The following SYNCRIP variants were observed in gnomAD, a reference collection of about 807,000 sequenced individuals.
SYNCRIP encodes the protein synaptotagmin binding cytoplasmic RNA interacting protein.
A neutral mutation model predicts 68.9 loss-of-function variants in SYNCRIP; 9 were observed. The observed-to-expected ratio is 0.13, with a 90% CI of 0.08 to 0.23. The LOEUF (loss-of-function observed/expected upper bound fraction) is 0.23. Among genes scored for constraint, SYNCRIP ranks in the 10% least tolerant of loss-of-function variants. The probability of loss-of-function intolerance (pLI) is 1.00; values close to 1 mark genes in which losing one functional copy is unlikely to be tolerated. For missense variants in SYNCRIP, 414 were observed against 770.6 expected (o/e 0.54, Z 5.48); for synonymous variants, 258 against 254.0 (o/e 1.02, Z -0.15).
chr6:85,631,721 C>A (rs145076992), intron 6 of SYNCRIP, among the ~76,000 whole-genome samples: 2 of 152,186 alleles, frequency 1.3e-5, no homozygotes, highest in Admixed American at 6.5e-5. Context: ...TACCTGGTGA[C>A]GTAACTTGTA....
At chr6:85,635,814 G>C (rs939031779) in intron 6 of SYNCRIP, among the ~76,000 whole-genome samples, 2 of 141,344 alleles carry the variant, frequency 1.4e-5, no homozygotes, top group South Asian at 4.7e-4. Flanking sequence ...GAAGACTTAT[G>C]AGTTTTATTT....
chr6:85,621,233 T>G (rs1806350559), intron 8 of SYNCRIP, among the ~76,000 whole-genome samples: 1 of 152,168 alleles, frequency 6.6e-6, no homozygotes, highest in African/African-American at 2.4e-5. Flanking sequence ...TATTCATAGC[T>G]CCCTGGCAGT....
chr6:85,629,280 G>A (rs1807424012), intron 6 of SYNCRIP, among the ~76,000 whole-genome samples: 1 of 151,930 alleles, frequency 6.6e-6, no homozygotes, highest in African/African-American at 2.4e-5. Flanking sequence ...TTTACGCTTT[G>A]CACCACTGGA....
intron 10 of SYNCRIP, among the ~76,000 whole-genome samples, 182 bp from the exon 11 acceptor site, chr6:85,615,529 C>CT (rs1390987595): frequency 2.6e-5 from 4 of 152,188 alleles, no homozygotes; most frequent in African/African-American, 9.6e-5. Flanking sequence ...ATCAGGATGA[C>CT]AATATAGGCA....
Position 85,621,788 on chromosome 6 carries a change from G to C in SYNCRIP, c.1008+694C>G, listed in dbSNP as rs564858514. ...ACTGCAAGCACCTCTGCTGCGGCCA[G>C]TATAATTTACTGTTTTTAGTAGTAA... On this transcript the variant is annotated intron_variant, in intron 8 of 10. Coordinates refer to ENST00000369622, the MANE Select transcript of SYNCRIP (RefSeq NM_006372.5). Among the ~76,000 whole-genome samples, 201 of 152,182 alleles carry C rather than the reference G, an allele frequency of 1.3e-3. 1 individual carries two copies. The highest frequency in any genetic ancestry group is 4.4e-3 in the African/African-American group (182 of 41,530).
chr6:85,624,121 G>A lies in SYNCRIP; in HGVS notation c.667-9C>T, dbSNP rs1218372655. 7.5e-6 allele frequency: 12 copies of A among 1,607,182 alleles called. No homozygotes were observed. Among genetic ancestry groups the A allele is most frequent in the Non-Finnish European group, 1.0e-5 (12 of 1,177,276 alleles). On this transcript the variant is annotated splice_polypyrimidine_tract_variant and intron_variant, in intron 6 of 10. Coordinates refer to ENST00000369622, the MANE Select transcript of SYNCRIP (RefSeq NM_006372.5). ...ATTTCATGATTATTATACTGAAAGGGGAAAAAGTGCATCATGTTTTTAAAT... is the reference window on the plus strand; with the variant it reads ...ATTTCATGATTATTATACTGAAAGGAGAAAAAGTGCATCATGTTTTTAAAT...
intron 7 of SYNCRIP, 150 bp downstream of exon 7, chr6:85,623,827 T>C: frequency 1.1e-6 from 1 of 900,608 alleles, no homozygotes; most frequent in Admixed American, 2.9e-5. Context: ...GTTCTTCTTA[T>C]CTGAAAAATG....
At chr6:85,641,722 A>T (rs1269499532) in intron 1 of SYNCRIP, among the ~76,000 whole-genome samples, 1 of 152,200 alleles carries the variant, frequency 6.6e-6, no homozygotes, top group Non-Finnish European at 1.5e-5. Flanking sequence ...GAGCCCAATC[A>T]GCACGGGTAC....
intron 6 of SYNCRIP, among the ~76,000 whole-genome samples, chr6:85,630,025 A>T (rs1202929267): frequency 2.6e-5 from 4 of 151,984 alleles, no homozygotes; most frequent in Admixed American, 1.3e-4. Flanking sequence ...AGTATACATA[A>T]CCAATCTGGT....
intron 4 of SYNCRIP, among the ~76,000 whole-genome samples, chr6:85,638,202 T>C (rs1300061301): frequency 1.3e-5 from 2 of 151,798 alleles, no homozygotes; most frequent in Non-Finnish European, 2.9e-5. Context: ...TGAAACCCTG[T>C]CTCTACTAAA....
intron 6 of SYNCRIP, among the ~76,000 whole-genome samples, chr6:85,629,006 G>T (rs1441015981): frequency 6.8e-6 from 1 of 147,590 alleles, no homozygotes; most frequent in Non-Finnish European, 1.5e-5. Flanking sequence ...CCCTCCTCCT[G>T]GCCTTTATTG....
intron 7 of SYNCRIP, 51 bp downstream of exon 7, chr6:85,623,926 T>C (rs368200317): frequency 1.9e-6 from 3 of 1,597,644 alleles, no homozygotes; most frequent in African/African-American, 1.3e-5. Context: ...AAATATGCTA[T>C]TAATCTTCAT....
intron 6 of SYNCRIP, among the ~76,000 whole-genome samples, chr6:85,625,027 C>G (rs1281220332): frequency 1.3e-5 from 2 of 152,206 alleles, no homozygotes. Context: ...AAATACCTTA[C>G]AGCAAAAGAA....
At chr6:85,637,753 T>A (rs1391370206) in intron 4 of SYNCRIP, among the ~76,000 whole-genome samples, 5 of 152,168 alleles carry the variant, frequency 3.3e-5, no homozygotes, top group Admixed American at 2.6e-4. Context: ...AAATTCCCTA[T>A]AAACCCCACT....
chr6:85,614,716 C>A lies in SYNCRIP; in HGVS notation c.*40G>T. 6.6e-7 allele frequency: 1 copy of A among 1,512,780 alleles called. No homozygotes were observed. The highest frequency in any genetic ancestry group is 1.4e-5 in the South Asian group (1 of 73,806). The allele number at this position is 1,512,780 out of a possible 1,614,324, so 93.7% of individuals were successfully genotyped here. A position where few individuals can be genotyped will look rare whatever the true frequency, so the allele number is the denominator to read the frequency against. The stretch of plus-strand genomic sequence containing the variant: ...TTCAGATTTAGGGTGAGTTTCTGAT[C>A]AACCTATCAGTCTCCAATTTTACAG... On this transcript the variant is annotated 3_prime_UTR_variant, in exon 11 of 11. Transcript: ENST00000369622.
rs969876844 is a variant in SYNCRIP at position 85,623,873 on chromosome 6, C to T, written c.802+104G>A. 1.9e-5 allele frequency: 26 copies of T among 1,378,432 alleles called. No homozygotes were observed. In the African/African-American group the frequency reaches 2.2e-4, roughly 12 times the overall value. 85.4% of individuals were successfully genotyped at this position (1,378,432 alleles called of 1,614,324 possible). On this transcript the variant is annotated intron_variant, in intron 7 of 10. Coordinates refer to ENST00000369622, the MANE Select transcript of SYNCRIP (RefSeq NM_006372.5). ...CACTTCAAAAGTTGTAGTGAGGATT[C>T]GATGAGTCAATAAATGTATTTAGAA...
chr6:85,613,408 T>C (rs1805411672), downstream of SYNCRIP, among the ~76,000 whole-genome samples: 1 of 152,224 alleles, frequency 6.6e-6, no homozygotes, highest in Non-Finnish European at 1.5e-5. Context: ...AACTTTATTG[T>C]CAGGTATAAT....
At chr6:85,632,808 G>A (rs1378060855) in intron 6 of SYNCRIP, among the ~76,000 whole-genome samples, 3 of 152,128 alleles carry the variant, frequency 2.0e-5, no homozygotes, top group Non-Finnish European at 2.9e-5. Flanking sequence ...GCAAGGTGGT[G>A]CCCTCATAGT....
intron 10 of SYNCRIP, among the ~76,000 whole-genome samples, chr6:85,615,669 G>A (rs1805684584): frequency 6.6e-6 from 1 of 152,186 alleles, no homozygotes; most frequent in Admixed American, 6.5e-5. Context: ...TTAGGGCTGG[G>A]AGCGGTCATG....
Sources: allele counts gnomAD v4.1 joint callset (sites outside exome capture counted in the v4.1 genomes callset), GRCh38; gene constraint gnomAD v4.1.1; transcripts MANE v1.5; gene names NCBI Gene and HGNC (gene_info 2026-07-23, HGNC 2026-07-21).